CEP70: variants seen among roughly 807,000 people sequenced by gnomAD.
CEP70 encodes the protein centrosomal protein of 70 kDa.
CEP70 carries 70 observed loss-of-function variants against 90.9 expected under a neutral mutation model. That is an observed-to-expected ratio of 0.77 (90% CI 0.64 to 0.94). CEP70 has a LOEUF of 0.94. Among genes scored for constraint, CEP70 ranks in the 40% least tolerant of loss-of-function variants. The probability of loss-of-function intolerance (pLI) is 0.00; values close to 1 mark genes in which losing one functional copy is unlikely to be tolerated. For synonymous variants in CEP70, 220 were observed against 228.3 expected, an observed-to-expected ratio of 0.96 and a Z score of 0.33; for missense variants, 648 against 669.0, an observed-to-expected ratio of 0.97 and a Z score of 0.35.
chr3:138,562,641 A>C lies in CEP70; in HGVS notation c.465+7677T>G, dbSNP rs1374461604. Among the ~76,000 whole-genome samples, 3 of 152,346 alleles carry C rather than the reference A, an allele frequency of 2.0e-5. 1 individual carries two copies. The highest frequency in any genetic ancestry group is 4.4e-5 in the Non-Finnish European group (3 of 68,034). ...GTGAAGGAGAAATAAAATCCTTTAC[A>C]GACAAACAAATGCTGAGCAATTTTG... On this transcript the variant is annotated intron_variant, in intron 6 of 17. Transcript: ENST00000264982.
At chr3:138,559,239 C>T (rs2040225593) in intron 6 of CEP70, among the ~76,000 whole-genome samples, 1 of 151,810 alleles carries the variant, frequency 6.6e-6, no homozygotes, top group South Asian at 2.1e-4. Flanking sequence ...ATAGGGTAGT[C>T]AATGATAAAT....
chr3:138,558,728 G>C (rs1413167371), intron 6 of CEP70, among the ~76,000 whole-genome samples: 1 of 152,062 alleles, frequency 6.6e-6, no homozygotes, highest in Non-Finnish European at 1.5e-5. Context: ...TTACCTCTAG[G>C]GTAAAATAAC....
intron 7 of CEP70, among the ~76,000 whole-genome samples, chr3:138,533,326 G>GA (rs2037988686): frequency 6.6e-6 from 1 of 151,374 alleles, no homozygotes; most frequent in Admixed American, 6.6e-5. Flanking sequence ...TGGAGAAGTA[G>GA]AAAAAATAAT....
chr3:138,497,437 T>G, intron 17 of CEP70: 1 of 1,118,422 alleles, frequency 8.9e-7, no homozygotes, highest in Non-Finnish European at 1.1e-6. Flanking sequence ...ATAAATAATT[T>G]TATAGCCATA....
chr3:138,554,230 G>A (rs546145296), intron 6 of CEP70, among the ~76,000 whole-genome samples: 4 of 150,940 alleles, frequency 2.7e-5, no homozygotes, highest in Admixed American at 6.6e-5. Flanking sequence ...GCATCCTTTT[G>A]TCATTAGAAC....
At position 138,525,565 on chromosome 3, in the gene CEP70, CTG is replaced by C; in HGVS notation, c.870-3_870-2del. On this transcript the variant is annotated splice_acceptor_variant and splice_polypyrimidine_tract_variant and intron_variant, in intron 10 of 17. Transcript: ENST00000264982. LOFTEE classifies it high-confidence loss of function. ...AAGTCTTAATTCATGCTGCGTAGGC[CTG>C]TGGAAAATAAATAATGATAAATTAA... 1 of 1,330,432 alleles carries C rather than the reference CTG, an allele frequency of 7.5e-7. No homozygotes were observed. The highest frequency in any genetic ancestry group is 2.3e-5 in the South Asian group (1 of 44,286). The allele number at this position is 1,330,432 out of a possible 1,614,324, so 82.4% of individuals were successfully genotyped here. A position where few individuals can be genotyped will look rare whatever the true frequency, so the allele number is the denominator to read the frequency against.
chr3:138,589,887 A>G (rs755250827), intron 2 of CEP70, among the ~76,000 whole-genome samples: 58 of 152,202 alleles, frequency 3.8e-4, no homozygotes, highest in Non-Finnish European at 3.4e-4. Flanking sequence ...TGATCAATAT[A>G]TAAGAACTCA....
intron 10 of CEP70, among the ~76,000 whole-genome samples, chr3:138,527,272 C>CTTT (rs72584858): frequency 2.5e-4 from 38 of 150,744 alleles, no homozygotes; most frequent in African/African-American, 8.3e-4. Context: ...CTCAAGTGAT[C>CTTT]TCACCTCAGC....
intron 6 of CEP70, among the ~76,000 whole-genome samples, chr3:138,560,951 G>C (rs936612090): frequency 6.6e-6 from 1 of 152,144 alleles, no homozygotes; most frequent in African/African-American, 2.4e-5. Context: ...AGCGTCAGCA[G>C]ACTTAAACGT....
At chr3:138,514,413 CAATCTGATTG>C (rs1452199535) in intron 11 of CEP70, among the ~76,000 whole-genome samples, 1 of 152,164 alleles carries the variant, frequency 6.6e-6, no homozygotes, top group Non-Finnish European at 1.5e-5. Flanking sequence ...ATGTGCATCA[CAATCTGATTG>C]AATCTGATTG....
chr3:138,527,576 C>T lies in CEP70; in HGVS notation c.869+1623G>A, dbSNP rs375839525. Among the ~76,000 whole-genome samples, 146 of 151,692 alleles carry T rather than the reference C, an allele frequency of 9.6e-4. 2 individuals are homozygous for T. In the East Asian group the frequency reaches 0.024, roughly 25 times the overall value. On this transcript the variant is annotated intron_variant, in intron 10 of 17. Coordinates refer to ENST00000264982, the MANE Select transcript of CEP70 (RefSeq NM_024491.4). ...GGGCGTGGTGATGGGCGCCTGTAGT[C>T]CCAGCTACTCGGGAGGCTGAGGCAG...
chr3:138,587,999 G>GTT (rs947698070), intron 2 of CEP70, among the ~76,000 whole-genome samples: 83 of 145,322 alleles, frequency 5.7e-4, no homozygotes, highest in Non-Finnish European at 5.9e-4. Context: ...AAAAACGATA[G>GTT]TTTTTTTTTT....
chr3:138,565,879 G>A lies in CEP70; in HGVS notation c.465+4439C>T, dbSNP rs913514183. Among the ~76,000 whole-genome samples, 3 of 152,206 alleles carry A rather than the reference G, an allele frequency of 2.0e-5. 1 individual carries two copies. Among genetic ancestry groups the A allele is most frequent in the African/African-American group, 7.2e-5 (3 of 41,530 alleles). ...CAGCAAAAGAAACTACCATCAGAGT[G>A]AACAGGCAACCTACAGAATGGGGGA... On this transcript the variant is annotated intron_variant, in intron 6 of 17. Coordinates refer to ENST00000264982, the MANE Select transcript of CEP70 (RefSeq NM_024491.4).
intron 2 of CEP70, among the ~76,000 whole-genome samples, chr3:138,584,799 C>G (rs2042032786): frequency 6.6e-6 from 1 of 151,648 alleles, no homozygotes; most frequent in African/African-American, 2.4e-5. Flanking sequence ...AGGAACATAC[C>G]TCCACATAAT....
chr3:138,542,169 C>T (rs1437424261), intron 6 of CEP70, among the ~76,000 whole-genome samples: 1 of 152,198 alleles, frequency 6.6e-6, no homozygotes, highest in Non-Finnish European at 1.5e-5. Context: ...CACAGCCAGG[C>T]ACACTGGCTG....
intron 7 of CEP70, among the ~76,000 whole-genome samples, chr3:138,536,454 G>A (rs1023562042): frequency 6.6e-5 from 10 of 151,832 alleles, no homozygotes; most frequent in Non-Finnish European, 1.2e-4. Flanking sequence ...ATTTGGTGAC[G>A]CAAACACACA....
At chr3:138,523,793 T>C (rs1474733080) in intron 11 of CEP70, among the ~76,000 whole-genome samples, 1 of 152,090 alleles carries the variant, frequency 6.6e-6, no homozygotes, top group Non-Finnish European at 1.5e-5. Context: ...AAAATGGCCA[T>C]ACTACCCAAG....
intron 2 of CEP70, among the ~76,000 whole-genome samples, chr3:138,573,890 TGAACA>T (rs1241862590): frequency 6.6e-6 from 1 of 152,152 alleles, no homozygotes; most frequent in Non-Finnish European, 1.5e-5. Context: ...ACTGAAGAAC[TGAACA>T]GAAGTATATA....
chr3:138,530,838 A>T, intron 8 of CEP70: 2 of 983,610 alleles, frequency 2.0e-6, no homozygotes, highest in Non-Finnish European at 2.4e-6. Flanking sequence ...TCTATCCTGA[A>T]ATTGCCAGAA....
Sources: gnomAD v4.1 joint callset for allele counts (sites outside exome capture counted in the v4.1 genomes callset) on GRCh38, gnomAD v4.1.1 for gene constraint, MANE v1.5 for transcripts, NCBI Gene and HGNC (gene_info 2026-07-23, HGNC 2026-07-21) for gene names.